Variants in ESRRG observed in about 807,000 individuals in gnomAD.
The protein encoded by ESRRG is estrogen-related receptor gamma.
ESRRG carries 13 observed loss-of-function variants against 44.0 expected under a neutral mutation model. The observed-to-expected ratio is 0.30, with a 90% confidence interval of 0.19 to 0.47. The LOEUF is 0.47. Ranked by LOEUF, ESRRG falls within the 20% of genes least tolerant of loss-of-function variation. The probability of loss-of-function intolerance (pLI) is 1.00; values close to 1 mark genes in which losing one functional copy is unlikely to be tolerated. For synonymous variants in ESRRG, 215 were observed against 214.6 expected, an observed-to-expected ratio of 1.00 and a Z score of -0.02; for missense variants, 395 against 580.6, an observed-to-expected ratio of 0.68 and a Z score of 3.29.
chr1:216,516,687 G>A (rs560892032), intron 6 of ESRRG, among the ~76,000 whole-genome samples: 68 of 57,848 alleles, frequency 1.2e-3, no homozygotes, highest in Non-Finnish European at 2.1e-3. Flanking sequence ...AGAGAGAAAC[G>A]ACAAAAAAAA....
At chr1:216,606,769 C>T in intron 3 of ESRRG, among the ~76,000 whole-genome samples, 1 of 152,126 alleles carries the variant, frequency 6.6e-6, no homozygotes, top group East Asian at 1.9e-4. Context: ...GTATGTAACA[C>T]ATACATACAG....
At chr1:216,620,939 C>A (rs1432092450) in intron 3 of ESRRG, among the ~76,000 whole-genome samples, 1 of 152,156 alleles carries the variant, frequency 6.6e-6, no homozygotes, top group African/African-American at 2.4e-5. Flanking sequence ...AATCTGAAAT[C>A]TGCTATCCCT....
chr1:216,662,650 G>A (rs751100950), intron 2 of ESRRG, among the ~76,000 whole-genome samples: 1 of 152,060 alleles, frequency 6.6e-6, no homozygotes, highest in East Asian at 1.9e-4. Flanking sequence ...TTTGATGATT[G>A]TCCAAGGGAC....
At chr1:216,783,259 G>C (rs2093999914) in intron 2 of ESRRG, among the ~76,000 whole-genome samples, 1 of 151,892 alleles carries the variant, frequency 6.6e-6, no homozygotes, top group Admixed American at 6.6e-5. Flanking sequence ...CATTTACCAG[G>C]AGGGACCCTC....
intron 2 of ESRRG, among the ~76,000 whole-genome samples, chr1:216,814,665 T>G (rs2095078313): frequency 6.6e-6 from 1 of 152,208 alleles, no homozygotes; most frequent in Non-Finnish European, 1.5e-5. Context: ...AGTTTCTGTA[T>G]TGCTTGAGGC....
At chr1:217,069,460 C>T (rs1385235504) in intron 1 of ESRRG, among the ~76,000 whole-genome samples, 2 of 151,048 alleles carry the variant, frequency 1.3e-5, no homozygotes, top group Non-Finnish European at 2.9e-5. Flanking sequence ...TAGATAGCAC[C>T]TATTAGTTCT....
At chr1:216,689,365 A>G (rs1243209453) in intron 1 of ESRRG, among the ~76,000 whole-genome samples, 2 of 152,088 alleles carry the variant, frequency 1.3e-5, no homozygotes, top group East Asian at 3.9e-4. Context: ...TTGTTCTCTA[A>G]CCCAGTATTA....
chr1:216,511,988 T>C (rs556600342), intron 6 of ESRRG, among the ~76,000 whole-genome samples: 8 of 152,298 alleles, frequency 5.3e-5, no homozygotes, highest in Non-Finnish European at 7.4e-5. Flanking sequence ...TTTATACTAC[T>C]TTTCCTAAAC....
At chr1:216,603,919 A>ACTC (rs1295493435) in intron 3 of ESRRG, among the ~76,000 whole-genome samples, 1 of 146,050 alleles carries the variant, frequency 6.8e-6, no homozygotes, top group African/African-American at 2.6e-5. Context: ...GGCGACAGAG[A>ACTC]CTCTGAATCA....
At chr1:216,918,854 A>G (rs2061495499) in intron 2 of ESRRG, among the ~76,000 whole-genome samples, 1 of 148,242 alleles carries the variant, frequency 6.7e-6, no homozygotes, top group Non-Finnish European at 1.5e-5. Context: ...ATATAATAAT[A>G]TATATATTAT....
At chr1:217,058,885 ATAT>A (rs58976646) in intron 1 of ESRRG, among the ~76,000 whole-genome samples, 52,748 of 148,866 alleles carry the variant, frequency 0.35, 9,652 homozygotes, top group East Asian at 0.65. Flanking sequence ...TAAACTATAG[ATAT>A]TATAATGTAA....
chr1:216,806,306 C>G (rs1198849382), intron 2 of ESRRG, among the ~76,000 whole-genome samples: 12 of 152,116 alleles, frequency 7.9e-5, no homozygotes, highest in Admixed American at 2.0e-4. Flanking sequence ...AACAGGCTGG[C>G]TTTTTGATGT....
intron 5 of ESRRG, among the ~76,000 whole-genome samples, chr1:216,523,303 T>C (rs2046634773): frequency 6.6e-6 from 1 of 152,058 alleles, no homozygotes; most frequent in African/African-American, 2.4e-5. Flanking sequence ...TGCAATACAG[T>C]GTGCTCCAAA....
intron 2 of ESRRG, among the ~76,000 whole-genome samples, chr1:216,787,733 C>G (rs551839819): frequency 6.6e-6 from 1 of 151,734 alleles, no homozygotes; most frequent in East Asian, 1.9e-4. Context: ...TGTTGAAAAC[C>G]AAGATAGGCC....
At chr1:216,652,310 C>T (rs1416249207) in intron 2 of ESRRG, among the ~76,000 whole-genome samples, 1 of 152,136 alleles carries the variant, frequency 6.6e-6, no homozygotes, top group Admixed American at 6.6e-5. Context: ...GAGTTAATCA[C>T]ACTTTGTAAA....
intron 1 of ESRRG, among the ~76,000 whole-genome samples, chr1:216,945,281 C>CA (rs1560210831): frequency 6.6e-6 from 1 of 152,018 alleles, no homozygotes; most frequent in Non-Finnish European, 1.5e-5. Context: ...GGCATTTGCT[C>CA]AATCAGTACC....
At chr1:216,674,434 G>A (rs1032038142) in intron 2 of ESRRG, among the ~76,000 whole-genome samples, 6 of 152,032 alleles carry the variant, frequency 3.9e-5, no homozygotes, top group African/African-American at 7.2e-5. Flanking sequence ...ATATAGCAAC[G>A]ATGAGCCAGA....
At chr1:216,758,807 C>G (rs940928231) in intron 2 of ESRRG, among the ~76,000 whole-genome samples, 14 of 151,884 alleles carry the variant, frequency 9.2e-5, no homozygotes, top group African/African-American at 3.1e-4. Context: ...CCAAAAGAGT[C>G]TGATTACCCC....
rs139967714 is a variant in ESRRG, at chr1:217,097,077, T to C, written c.-230+40590A>G. ...AAAAATTTTAAAAATTAGCTGGGTG[T>C]CGTGATGTGCACCTGTAGTCCCAGC... is the stretch of plus-strand genomic sequence containing the variant. On this transcript the variant is annotated intron_variant, in intron 1 of 8. Transcript: ENST00000366940. Among the ~76,000 whole-genome samples, 50 of 152,130 alleles carry C rather than the reference T, an allele frequency of 3.3e-4. 1 individual carries two copies. The highest frequency in any genetic ancestry group is 1.1e-3 in the African/African-American group (46 of 41,490).
Sources: allele counts gnomAD v4.1 joint callset (sites outside exome capture counted in the v4.1 genomes callset), GRCh38; gene constraint gnomAD v4.1.1; transcripts MANE v1.5; gene names NCBI Gene and HGNC (gene_info 2026-07-23, HGNC 2026-07-21).